CPS1: variants seen among roughly 807,000 people sequenced by gnomAD.
The protein encoded by CPS1 is carbamoyl-phosphate synthase 1, also known as carbamoyl-phosphate synthase [ammonia], mitochondrial.
CPS1 carries 109 observed loss-of-function variants against 174.6 expected under a neutral mutation model. That is an observed-to-expected ratio of 0.62 (90% CI 0.53 to 0.73). The LOEUF (loss-of-function observed/expected upper bound fraction) is 0.73, where lower values mean the gene tolerates loss of function less well. Ranked by LOEUF, CPS1 falls within the 30% of genes least tolerant of loss-of-function variation. The pLI is 0.00. For missense variants in CPS1, 1,689 were observed against 1,821.9 expected (o/e 0.93, Z 1.33); for synonymous variants, 637 against 632.0 (o/e 1.01, Z -0.12).
At chr2:210,533,853 C>T in intron 1 of CPS1, among the ~76,000 whole-genome samples, 1 of 152,154 alleles carries the variant, frequency 6.6e-6, no homozygotes, top group South Asian at 2.1e-4. Flanking sequence ...CATTCATAAA[C>T]ACTGTGGGAG....
chr2:210,607,570 A>G (rs73073586), intron 18 of CPS1, among the ~76,000 whole-genome samples: 3,751 of 151,978 alleles, frequency 0.025, 166 homozygotes, highest in African/African-American at 0.085. Context: ...TTACTTCTTT[A>G]TATTTTTTTT....
chr2:210,560,154 T>TC (rs201438914), intron 1 of CPS1, among the ~76,000 whole-genome samples: 3 of 152,008 alleles, frequency 2.0e-5, no homozygotes, highest in African/African-American at 4.8e-5. Flanking sequence ...AAGCAAATAA[T>TC]CTTTTTTTTT....
At chr2:210,662,449 A>G (rs1040744509) in intron 32 of CPS1, among the ~76,000 whole-genome samples, 3 of 152,198 alleles carry the variant, frequency 2.0e-5, no homozygotes, top group East Asian at 3.9e-4. Flanking sequence ...GCCAGAATCA[A>G]TGGAGCAATT....
At chr2:210,601,976 G>A (rs1698741620) in intron 15 of CPS1, among the ~76,000 whole-genome samples, 2 of 151,920 alleles carry the variant, frequency 1.3e-5, no homozygotes, top group African/African-American at 2.4e-5. Context: ...CCGCAAAAGT[G>A]TATTTCTTAG....
At chr2:210,656,786 G>A (rs1309166888) in intron 30 of CPS1, among the ~76,000 whole-genome samples, 154 bp downstream of exon 30, 1 of 151,578 alleles carries the variant, frequency 6.6e-6, no homozygotes, top group Non-Finnish European at 1.5e-5. Context: ...TGAGTCACCT[G>A]GGTATTCTAA....
chr2:210,538,359 C>T (rs1216761747), intron 1 of CPS1, among the ~76,000 whole-genome samples: 3 of 152,046 alleles, frequency 2.0e-5, no homozygotes, highest in Non-Finnish European at 4.4e-5. Context: ...TTGTATATTA[C>T]AGATTGCATG....
chr2:210,539,558 T>G (rs1696347528), intron 1 of CPS1, among the ~76,000 whole-genome samples: 1 of 152,178 alleles, frequency 6.6e-6, no homozygotes, highest in Non-Finnish European at 1.5e-5. Context: ...GTTCCACTTT[T>G]CCAAGTTTGA....
At chr2:210,478,931 C>T (rs1259744546) in intron 1 of CPS1, among the ~76,000 whole-genome samples, 1 of 35,652 alleles carries the variant, frequency 2.8e-5, no homozygotes, top group African/African-American at 5.3e-5. Context: ...CCCCCCTTCC[C>T]CCCTCCCTTC....
chr2:210,514,856 A>G (rs72934339), intron 1 of CPS1, among the ~76,000 whole-genome samples: 28,821 of 145,152 alleles, frequency 0.2, 3,503 homozygotes, highest in Middle Eastern at 0.34. Flanking sequence ...TCTTATTTTC[A>G]GGTACATTGC....
At position 210,588,039 on chromosome 2, in the gene CPS1, C is replaced by T; in HGVS notation, c.622-19C>T. 1 of 1,611,158 alleles carries T rather than the reference C, an allele frequency of 6.2e-7. No individual in the cohort carries two copies. The highest frequency in any genetic ancestry group is 8.5e-7 in the Non-Finnish European group (1 of 1,177,668). ...ATAGCTGGGACTTCCCTCTCATTCTCTGGTTTTTAAAATGGCAGGATGTCA... is the reference window on the plus strand; with the variant it reads ...ATAGCTGGGACTTCCCTCTCATTCTTTGGTTTTTAAAATGGCAGGATGTCA... On this transcript the variant is annotated intron_variant, in intron 6 of 37. Coordinates refer to ENST00000233072, the MANE Select transcript of CPS1 (RefSeq NM_001875.5).
chr2:210,590,004 C>T, intron 7 of CPS1, 102 bp from the exon 8 acceptor site: 1 of 1,478,386 alleles, frequency 6.8e-7, no homozygotes. Context: ...ACAAATTTTT[C>T]CTTCCCTTTA....
chr2:210,497,591 G>A lies in CPS1; in HGVS notation c.3+19825G>A, dbSNP rs1412010055. Among the ~76,000 whole-genome samples the A allele has an allele frequency of 3.3e-5, 5 of 151,828 alleles. No homozygotes were observed. In the East Asian group the frequency reaches 9.6e-4, roughly 29 times the overall value. On this transcript the variant is annotated intron_variant, in intron 1 of 38. Coordinates refer to the CPS1 transcript ENST00000430249. Reference sequence around the variant, plus strand: ...TTCAGTTTCTATTGTTGCCATTTTTGTGTCCATGAGTACTCAGTGTTTAGG... The same window carrying A: ...TTCAGTTTCTATTGTTGCCATTTTTATGTCCATGAGTACTCAGTGTTTAGG...
chr2:210,651,779 ACT>A (rs1700566786), intron 28 of CPS1, among the ~76,000 whole-genome samples: 1 of 152,070 alleles, frequency 6.6e-6, no homozygotes, highest in Non-Finnish European at 1.5e-5. Context: ...GAATTCAATG[ACT>A]CTAGAGTAAA....
Position 210,674,894 on chromosome 2 carries a change from C to G in CPS1, c.4102-8C>G, listed in dbSNP as rs750640890. The stretch of plus-strand genomic sequence containing the variant: ...CTAGAAAGTGAATTTTGTGAAATTC[C>G]TTTTCAGCAATCATTCCGGCCAAGA... On this transcript the variant is annotated splice_region_variant and splice_polypyrimidine_tract_variant and intron_variant, in intron 34 of 37. Transcript: ENST00000233072. 6 of 1,611,894 alleles carry G rather than the reference C, an allele frequency of 3.7e-6. No individual in the cohort carries two copies. The highest frequency in any genetic ancestry group is 1.7e-5 in the Admixed American group (1 of 60,012).
intron 1 of CPS1, among the ~76,000 whole-genome samples, chr2:210,570,571 A>G (rs1697442024): frequency 6.6e-6 from 1 of 152,030 alleles, no homozygotes; most frequent in East Asian, 1.9e-4. Flanking sequence ...CATGTCTCAG[A>G]GTAGCACAGA....
intron 1 of CPS1, among the ~76,000 whole-genome samples, chr2:210,526,710 A>G (rs915943528): frequency 4.6e-5 from 7 of 152,072 alleles, no homozygotes; most frequent in Admixed American, 4.6e-4. Context: ...TGGTGGATAC[A>G]TTTGGGAAGC....
At chr2:210,572,437 T>G (rs1697532139) in intron 1 of CPS1, among the ~76,000 whole-genome samples, 1 of 152,002 alleles carries the variant, frequency 6.6e-6, no homozygotes, top group African/African-American at 2.4e-5. Context: ...CATTTCTCTC[T>G]CCCTTGAATT....
chr2:210,597,133 G>GT (rs1229404781), intron 13 of CPS1, among the ~76,000 whole-genome samples: 11 of 151,764 alleles, frequency 7.2e-5, no homozygotes, highest in Admixed American at 7.2e-4. Context: ...ATATACTAAA[G>GT]TTTGTTGGTA....
At chr2:210,649,650 G>T (rs1358367164) in intron 27 of CPS1, among the ~76,000 whole-genome samples, 1 of 152,144 alleles carries the variant, frequency 6.6e-6, no homozygotes, top group Non-Finnish European at 1.5e-5. Context: ...TAAATTTGTA[G>T]TAGTGTAAAA....
Sources: gnomAD v4.1 joint callset for allele counts (sites outside exome capture counted in the v4.1 genomes callset) on GRCh38, gnomAD v4.1.1 for gene constraint, MANE v1.5 for transcripts, NCBI Gene and HGNC (gene_info 2026-07-23, HGNC 2026-07-21) for gene names.